The following FRMD6 variants were observed in gnomAD, a reference collection of about 807,000 sequenced individuals.
FRMD6 encodes FERM domain containing 6, also known as FERM domain-containing protein 6.
In FRMD6, 37 loss-of-function variants were observed where a neutral mutation model predicts 73.2. The ratio of observed to expected loss-of-function variants is 0.51; its 90% CI spans 0.39 to 0.66. FRMD6 has a LOEUF of 0.66. Among genes scored for constraint, FRMD6 ranks in the 30% least tolerant of loss-of-function variants. The probability of loss-of-function intolerance (pLI) is 0.00; values close to 1 mark genes in which losing one functional copy is unlikely to be tolerated. For missense variants in FRMD6, 714 were observed against 780.5 expected, an observed-to-expected ratio of 0.91 and a Z score of 1.02; for synonymous variants, 273 against 282.2, an observed-to-expected ratio of 0.97 and a Z score of 0.33.
chr14:51,602,257 A>G (rs1890068812), intron 2 of FRMD6, among the ~76,000 whole-genome samples: 1 of 152,180 alleles, frequency 6.6e-6, no homozygotes, highest in Admixed American at 6.5e-5. Context: ...TGGGGTAATC[A>G]GGAGTGTATG....
At chr14:51,582,084 G>A (rs1888758001) in intron 2 of FRMD6, among the ~76,000 whole-genome samples, 1 of 152,252 alleles carries the variant, frequency 6.6e-6, no homozygotes, top group South Asian at 2.1e-4. Flanking sequence ...TCTAGCATAG[G>A]GCTCAATAAG....
intron 1 of FRMD6, among the ~76,000 whole-genome samples, chr14:51,563,951 C>T (rs1193390079): frequency 6.6e-6 from 1 of 152,208 alleles, no homozygotes; most frequent in Non-Finnish European, 1.5e-5. Context: ...CTTTCAAGTT[C>T]TAACCACTTT....
At chr14:51,431,115 A>C in the FRMD6 span, among the ~76,000 whole-genome samples, 1 of 152,192 alleles carries the variant, frequency 6.6e-6, no homozygotes, top group Non-Finnish European at 1.5e-5. Context: ...AAAATGCCTT[A>C]ATGGGCAGTG....
At chr14:51,602,914 C>A (rs1890096207) in intron 2 of FRMD6, among the ~76,000 whole-genome samples, 2 of 152,282 alleles carry the variant, frequency 1.3e-5, no homozygotes, top group African/African-American at 4.8e-5. Context: ...TATAGCTATA[C>A]AATTGATTGC....
At chr14:51,461,031 T>A in the FRMD6 span, among the ~76,000 whole-genome samples, 1 of 152,196 alleles carries the variant, frequency 6.6e-6, no homozygotes, top group East Asian at 1.9e-4. Context: ...TCAAATTTGC[T>A]TTTATAGATC....
At chr14:51,490,128 G>A (rs2140162513) in intron 1 of FRMD6, among the ~76,000 whole-genome samples, 1 of 152,318 alleles carries the variant, frequency 6.6e-6, no homozygotes, top group Non-Finnish European at 1.5e-5. Context: ...CCCAAGTGTT[G>A]TAAAAGTAAA....
chr14:51,728,018 T>C lies in FRMD6; in HGVS notation c.1858T>C (p.Phe620Leu). The C allele has an allele frequency of 6.2e-7, 1 of 1,608,308 alleles. No individual in the cohort carries two copies. Among genetic ancestry groups the C allele is most frequent in the South Asian group, 1.1e-5 (1 of 90,958 alleles). Residue 620 changes from phenylalanine to leucine, a missense_variant, in exon 14 of 14, where the codon TTT becomes CTT. Coordinates refer to ENST00000344768, the MANE Select transcript of FRMD6 (RefSeq NM_001267046.2). Reference protein sequence around the residue: ...LDLTHDEVPEFVV With the variant: ...LDLTHDEVPELVV The stretch of plus-strand genomic sequence containing the variant: ...TCTCACTCATGATGAAGTTCCAGAG[T>C]TTGTTGTGTAAAGTCCGTCTGTGTG...
At chr14:51,540,878 G>C (rs1257377304) in intron 1 of FRMD6, among the ~76,000 whole-genome samples, 5 of 152,002 alleles carry the variant, frequency 3.3e-5, no homozygotes, top group African/African-American at 9.7e-5. Flanking sequence ...AAAATACTAG[G>C]AATTCATATT....
the FRMD6 span, among the ~76,000 whole-genome samples, chr14:51,449,623 C>T: frequency 1.3e-5 from 2 of 152,066 alleles, no homozygotes; most frequent in South Asian, 2.1e-4. Flanking sequence ...AAGAGTGTCA[C>T]CAAATTCTCT....
At chr14:51,398,562 T>A in the FRMD6 span, among the ~76,000 whole-genome samples, 1 of 151,140 alleles carries the variant, frequency 6.6e-6, no homozygotes, top group Non-Finnish European at 1.5e-5. Flanking sequence ...CAAATTGCAT[T>A]TTTTTTTTGC....
chr14:51,482,994 G>A, the FRMD6 span, among the ~76,000 whole-genome samples: 101 of 152,084 alleles, frequency 6.6e-4, no homozygotes, highest in Non-Finnish European at 9.0e-4. Flanking sequence ...GAGCCACTGC[G>A]CCTGGCCTTG....
intron 1 of FRMD6, among the ~76,000 whole-genome samples, chr14:51,496,525 T>C (rs1209662388): frequency 2.0e-5 from 3 of 152,178 alleles, no homozygotes; most frequent in African/African-American, 7.2e-5. Context: ...CTTATAGGCT[T>C]TAGGACAGTG....
rs547983437 is a variant in FRMD6, at chr14:51,620,786, C to T, written c.-147+50376C>T. On this transcript the variant is annotated intron_variant, in intron 2 of 14. Transcript: ENST00000356218. ...ACACTCCTATGGGCCTCAGCTGTTT[C>T]CAAGGGCTCTCACTGCAAGCTGCTA... Among the ~76,000 whole-genome samples the T allele has an allele frequency of 9.2e-5, 14 of 152,268 alleles. No homozygotes were observed. In the East Asian group the frequency reaches 2.5e-3, roughly 27 times the overall value.
chr14:51,468,308 G>C, the FRMD6 span, among the ~76,000 whole-genome samples: 1 of 141,128 alleles, frequency 7.1e-6, no homozygotes, highest in African/African-American at 2.7e-5. Flanking sequence ...TGGGAGAGGG[G>C]GAGGGGGAGG....
chr14:51,675,648 C>A (rs533760585), intron 1 of FRMD6, among the ~76,000 whole-genome samples: 1 of 152,212 alleles, frequency 6.6e-6, no homozygotes, highest in South Asian at 2.1e-4. Flanking sequence ...ACTTTTGTAG[C>A]AGTAGAAAGT....
At chr14:51,469,198 C>A in the FRMD6 span, among the ~76,000 whole-genome samples, 1 of 151,854 alleles carries the variant, frequency 6.6e-6, no homozygotes, top group Non-Finnish European at 1.5e-5. Context: ...CTAGGCCTCC[C>A]AAAGTGCTGG....
At chr14:51,567,841 A>G (rs1887860201) in intron 1 of FRMD6, among the ~76,000 whole-genome samples, 3 of 152,220 alleles carry the variant, frequency 2.0e-5, no homozygotes, top group South Asian at 2.1e-4. Context: ...CACTTCCAGA[A>G]CAAGACTCAT....
chr14:51,401,388 C>T, the FRMD6 span, among the ~76,000 whole-genome samples: 4 of 152,198 alleles, frequency 2.6e-5, no homozygotes, highest in African/African-American at 9.6e-5. Context: ...GATTTTTATG[C>T]TGTGTGTACA....
At position 51,708,092 on chromosome 14, in the gene FRMD6, G is replaced by A; in HGVS notation, c.573G>A (p.Arg191=). The change falls in exon 7 of 14, where the codon AGG becomes AGA. Residue 191 remains arginine, a synonymous_variant. Coordinates refer to ENST00000344768, the MANE Select transcript of FRMD6 (RefSeq NM_001267046.2). ...AYFPSWVVSK[R]GKDYILKHIP... ...TATCCCAACAGGTTGTTTCCAAGAGGGGGAAGGACTACATCCTGAAGCACA... is the reference window on the plus strand; with the variant it reads ...TATCCCAACAGGTTGTTTCCAAGAGAGGGAAGGACTACATCCTGAAGCACA... 2 of 1,613,108 alleles carry A rather than the reference G, an allele frequency of 1.2e-6. No homozygotes were observed. The highest frequency in any genetic ancestry group is 1.7e-6 in the Non-Finnish European group (2 of 1,179,376).
Sources: allele counts gnomAD v4.1 joint callset (sites outside exome capture counted in the v4.1 genomes callset), GRCh38; gene constraint gnomAD v4.1.1; transcripts MANE v1.5; gene names NCBI Gene and HGNC (gene_info 2026-07-23, HGNC 2026-07-21).